The following CSNK2A2IP variants were observed in gnomAD, a reference collection of about 807,000 sequenced individuals.
The protein encoded by CSNK2A2IP is casein kinase 2 subunit alpha' interacting protein, also known as casein kinase II subunit alpha'-interacting protein.
chr3:88,348,708 G>A, the CSNK2A2IP span, among the ~76,000 whole-genome samples: 2 of 151,960 alleles, frequency 1.3e-5, no homozygotes, highest in East Asian at 1.9e-4. Context: ...GGCCAGAAAA[G>A]CCCTTTTTTG....
At chr3:88,344,227 C>G in the CSNK2A2IP span, among the ~76,000 whole-genome samples, 48 of 118,292 alleles carry the variant, frequency 4.1e-4, no homozygotes, top group African/African-American at 1.2e-3. Context: ...AATACTCTGG[C>G]GAGACATGTG....
At chr3:88,417,814 A>G in the CSNK2A2IP span, among the ~76,000 whole-genome samples, 1 of 152,250 alleles carries the variant, frequency 6.6e-6, no homozygotes, top group Admixed American at 6.5e-5. Context: ...TCTATGATCC[A>G]TAGAGGTTAA....
At chr3:88,390,025 C>T in the CSNK2A2IP span, among the ~76,000 whole-genome samples, 4,794 of 152,014 alleles carry the variant, frequency 0.032, 183 homozygotes, top group African/African-American at 0.091. Context: ...AAAAACGGCT[C>T]GTCAGAATCA....
At chr3:88,426,908 G>A in the CSNK2A2IP span, among the ~76,000 whole-genome samples, 1 of 151,772 alleles carries the variant, frequency 6.6e-6, no homozygotes, top group Non-Finnish European at 1.5e-5. Context: ...GCGGTGGGGT[G>A]TGCTACTGTA....
chr3:88,443,849 C>G, the CSNK2A2IP span, among the ~76,000 whole-genome samples: 1 of 151,264 alleles, frequency 6.6e-6, no homozygotes, highest in Non-Finnish European at 1.5e-5. Flanking sequence ...CTTTGCTACT[C>G]ACCAGTTTTC....
the CSNK2A2IP span, among the ~76,000 whole-genome samples, chr3:88,377,664 C>G: frequency 3.3e-5 from 5 of 151,688 alleles, no homozygotes; most frequent in Non-Finnish European, 7.4e-5. Context: ...TTATAATTAG[C>G]CCTCATACAA....
the CSNK2A2IP span, among the ~76,000 whole-genome samples, chr3:88,427,629 G>A: frequency 6.6e-6 from 1 of 152,126 alleles, no homozygotes; most frequent in East Asian, 1.9e-4. Context: ...GCCAAAAGGG[G>A]CCAATGTACA....
the CSNK2A2IP span, among the ~76,000 whole-genome samples, chr3:88,450,299 CT>C: frequency 2.6e-5 from 4 of 151,890 alleles, no homozygotes; most frequent in East Asian, 1.9e-4. Flanking sequence ...CACATAGTTA[CT>C]TTTTTTTGGC....
chr3:88,462,764 A>G, the CSNK2A2IP span, among the ~76,000 whole-genome samples: 44,365 of 151,982 alleles, frequency 0.29, 7,178 homozygotes, highest in East Asian at 0.48. Context: ...CTCTGGAAAG[A>G]GAAATAACTT....
chr3:88,407,060 G>C, the CSNK2A2IP span, among the ~76,000 whole-genome samples: 2 of 152,076 alleles, frequency 1.3e-5, no homozygotes, highest in African/African-American at 4.8e-5. Flanking sequence ...CCACCCTCAA[G>C]TAGACCACAA....
At chr3:88,405,311 C>T in the CSNK2A2IP span, among the ~76,000 whole-genome samples, 430 of 152,242 alleles carry the variant, frequency 2.8e-3, 5 homozygotes, top group African/African-American at 9.2e-3. Flanking sequence ...TTGCCCTTCA[C>T]CCTGCTACTT....
chr3:88,349,768 C>G, the CSNK2A2IP span, among the ~76,000 whole-genome samples: 3 of 152,178 alleles, frequency 2.0e-5, no homozygotes, highest in Admixed American at 2.0e-4. Context: ...CAAAATGTTC[C>G]CTTTTCACCA....
At chr3:88,357,345 T>C in the CSNK2A2IP span, among the ~76,000 whole-genome samples, 3 of 152,176 alleles carry the variant, frequency 2.0e-5, no homozygotes, top group Non-Finnish European at 4.4e-5. Flanking sequence ...CTTAGCAGTG[T>C]ATGTTCTTGG....
At chr3:88,376,419 G>T in the CSNK2A2IP span, among the ~76,000 whole-genome samples, 1 of 151,466 alleles carries the variant, frequency 6.6e-6, no homozygotes, top group Non-Finnish European at 1.5e-5. Context: ...CCTTAAAATG[G>T]CTAATTTCAG....
chr3:88,413,361 T>C, the CSNK2A2IP span, among the ~76,000 whole-genome samples: 1 of 151,800 alleles, frequency 6.6e-6, no homozygotes, highest in Non-Finnish European at 1.5e-5. Flanking sequence ...AACTAAAGAT[T>C]CAAATGCTAT....
chr3:88,343,252 A>G, the CSNK2A2IP span: 1 of 152,286 alleles, frequency 6.6e-6, no homozygotes, highest in Non-Finnish European at 1.5e-5. Context: ...ACAGAACTTA[A>G]TTTTTCATTT....
the CSNK2A2IP span, among the ~76,000 whole-genome samples, chr3:88,412,360 C>G: frequency 6.6e-6 from 1 of 151,946 alleles, no homozygotes; most frequent in African/African-American, 2.4e-5. Flanking sequence ...CAGTGGATAG[C>G]ATTGGGATCA....
At chr3:88,350,499 G>T in the CSNK2A2IP span, among the ~76,000 whole-genome samples, 1 of 151,844 alleles carries the variant, frequency 6.6e-6, no homozygotes, top group South Asian at 2.1e-4. Context: ...AAAGATGAGA[G>T]GGGCAAAAGA....
chr3:88,358,471 A>G, the CSNK2A2IP span, among the ~76,000 whole-genome samples: 1 of 152,048 alleles, frequency 6.6e-6, no homozygotes, highest in Non-Finnish European at 1.5e-5. Context: ...GATTTGTCAT[A>G]CACGGCCCCC....
Sources: allele counts gnomAD v4.1 joint callset (sites outside exome capture counted in the v4.1 genomes callset), GRCh38; gene constraint gnomAD v4.1.1; transcripts MANE v1.5; gene names NCBI Gene and HGNC (gene_info 2026-07-23, HGNC 2026-07-21).